Variants in MCTP1 observed in about 807,000 individuals in gnomAD.
MCTP1 encodes multiple C2 and transmembrane domain containing 1, also known as multiple C2 and transmembrane domain-containing protein 1.
MCTP1 carries 69 observed loss-of-function variants against 120.6 expected under a neutral mutation model. That is an observed-to-expected ratio of 0.57 (90% CI 0.47 to 0.70). MCTP1 has a LOEUF of 0.70. Among genes scored for constraint, MCTP1 ranks in the 30% least tolerant of loss-of-function variants. MCTP1 has a pLI of 0.00. For missense variants in MCTP1, 1,203 were observed against 1,248.8 expected (o/e 0.96, Z 0.55); for synonymous variants, 529 against 493.1 (o/e 1.07, Z -0.96).
rs1267040559 is a variant in MCTP1, at chr5:94,707,378, A to G, written c.*118T>C. 6.5e-5 allele frequency: 48 copies of G among 734,120 alleles called. No individual in the cohort carries two copies. The highest frequency in any genetic ancestry group is 4.6e-6 in the Non-Finnish European group (2 of 432,620). The allele number at this position is 734,120 out of a possible 1,614,324, so 45.5% of individuals were successfully genotyped here. A position where few individuals can be genotyped will look rare whatever the true frequency, so the allele number is the denominator to read the frequency against. ...TGTACACTATTTACAGATTCTCTCG[A>G]TCATGATAAAAAGGCAAAATAAATA... On this transcript the variant is annotated 3_prime_UTR_variant, in exon 23 of 23. Coordinates refer to ENST00000515393, the MANE Select transcript of MCTP1 (RefSeq NM_024717.7).
intron 1 of MCTP1, among the ~76,000 whole-genome samples, chr5:95,164,828 C>T (rs532668499): frequency 2.6e-5 from 4 of 152,008 alleles, no homozygotes; most frequent in Non-Finnish European, 5.9e-5. Flanking sequence ...TGGCCTAATA[C>T]AAGAAATCTG....
chr5:95,096,584 T>C (rs1001468268), intron 1 of MCTP1, among the ~76,000 whole-genome samples: 7 of 152,114 alleles, frequency 4.6e-5, no homozygotes, highest in Non-Finnish European at 1.0e-4. Flanking sequence ...GCTTCAAAAT[T>C]TGCTTGAGAA....
rs1336428498 is a variant in MCTP1, at chr5:94,894,727, T to C, written c.1761A>G (p.Ser587=). 4 of 1,613,940 alleles carry C rather than the reference T, an allele frequency of 2.5e-6. No homozygotes were observed. The South Asian group carries it at 4.4e-5, about 18-fold the overall frequency. The change falls in exon 11 of 23, where the codon TCA becomes TCG. Residue 587 remains serine (S), a synonymous_variant. Transcript: ENST00000515393. ...ACAGGTCAGAGATGCTGACTGTGGC[T>C]GATGCTGTCAGAGTGACCAGCAGCA... is the stretch of plus-strand genomic sequence containing the variant. The part of the protein sequence containing the change: ...HLVLLVTLTA[S]ATVSISDLSV...
At chr5:94,824,118 G>T (rs1157956586) in intron 17 of MCTP1, among the ~76,000 whole-genome samples, 1 of 152,176 alleles carries the variant, frequency 6.6e-6, no homozygotes, top group South Asian at 2.1e-4. Context: ...TCCTTGTCTT[G>T]TGCCGGTTTT....
At chr5:95,096,993 T>C (rs1421671349) in intron 1 of MCTP1, among the ~76,000 whole-genome samples, 1 of 152,224 alleles carries the variant, frequency 6.6e-6, no homozygotes, top group Non-Finnish European at 1.5e-5. Flanking sequence ...AATACATTAC[T>C]CACTGTAGTT....
chr5:95,017,482 T>A lies in MCTP1; in HGVS notation c.723A>T (p.Lys241Asn), dbSNP rs752124916. Residue 241 changes from lysine to asparagine, a missense_variant and splice_region_variant, in exon 2 of 23, where the codon AAA becomes AAT. Lys to Asn is a moderately conservative substitution (Grantham distance 94). This residue lies in a region of MCTP1 where 463 missense variants were observed against 377.8 expected (regional missense o/e 1.23). Transcript: ENST00000515393. ...TACTGGTTCCAGCAGTGTTTATTAT[T>A]TTCTGGAAAACACGAAATATAAAAA... ...ETGEEHGSSQ[K>N]IINTAGTSNA... 1 of 1,578,510 alleles carries A rather than the reference T, an allele frequency of 6.3e-7. No homozygotes were observed. The highest frequency in any genetic ancestry group is 1.8e-5 in the Admixed American group (1 of 56,662).
At chr5:95,105,289 A>G (rs1272782206) in intron 1 of MCTP1, among the ~76,000 whole-genome samples, 1 of 152,178 alleles carries the variant, frequency 6.6e-6, no homozygotes, top group African/African-American at 2.4e-5. Context: ...GGTGTTTGAC[A>G]TGACTCTAGA....
intron 1 of MCTP1, chr5:95,081,939 G>T: frequency 1.7e-6 from 1 of 575,410 alleles, no homozygotes; most frequent in Non-Finnish European, 2.2e-6. Flanking sequence ...TCTCTGCAGT[G>T]AATTAATTTA....
At chr5:94,856,085 C>T (rs1004460988) in intron 17 of MCTP1, among the ~76,000 whole-genome samples, 6 of 151,744 alleles carry the variant, frequency 4.0e-5, no homozygotes, top group Admixed American at 3.9e-4. Context: ...TGCTGTTAAT[C>T]GTTACCTGGG....
At chr5:94,852,786 A>G (rs1386594740) in intron 17 of MCTP1, among the ~76,000 whole-genome samples, 1 of 151,966 alleles carries the variant, frequency 6.6e-6, no homozygotes, top group African/African-American at 2.4e-5. Context: ...TGAATTCTAG[A>G]CCTATCAGGT....
At chr5:94,764,191 A>C (rs990465407) in intron 19 of MCTP1, among the ~76,000 whole-genome samples, 5 of 152,168 alleles carry the variant, frequency 3.3e-5, no homozygotes, top group Non-Finnish European at 7.4e-5. Flanking sequence ...CACCCAAAGA[A>C]AGTCACATGG....
intron 2 of MCTP1, among the ~76,000 whole-genome samples, chr5:94,997,895 A>G (rs186938548): frequency 6.6e-6 from 1 of 152,162 alleles, no homozygotes; most frequent in Non-Finnish European, 1.5e-5. Flanking sequence ...ATCATTTATC[A>G]TTATTTCATA....
At chr5:95,113,299 C>T (rs1381261617) in intron 1 of MCTP1, among the ~76,000 whole-genome samples, 1 of 152,048 alleles carries the variant, frequency 6.6e-6, no homozygotes, top group Non-Finnish European at 1.5e-5. Context: ...AAACAAAAAC[C>T]ACCATCATAA....
intron 1 of MCTP1, among the ~76,000 whole-genome samples, chr5:95,278,222 A>G (rs1304924030): frequency 6.6e-6 from 1 of 152,202 alleles, no homozygotes; most frequent in East Asian, 1.9e-4. Flanking sequence ...GTTAGAAGAA[A>G]AGGTTGATGG....
intron 2 of MCTP1, among the ~76,000 whole-genome samples, chr5:95,009,403 T>A (rs181124106): frequency 1.6e-3 from 251 of 152,184 alleles, no homozygotes; most frequent in African/African-American, 5.6e-3. Flanking sequence ...TGCCAAAAGG[T>A]ATAGTTCCTA....
intron 17 of MCTP1, among the ~76,000 whole-genome samples, chr5:94,827,619 G>C (rs367601811): frequency 1.6e-4 from 25 of 152,004 alleles, no homozygotes; most frequent in Middle Eastern, 3.4e-3. Flanking sequence ...ATGTAGGTTT[G>C]GTCTTTTCAC....
At chr5:94,909,688 C>A (rs927239087) in intron 9 of MCTP1, among the ~76,000 whole-genome samples, 12 of 151,974 alleles carry the variant, frequency 7.9e-5, no homozygotes, top group African/African-American at 2.9e-4. Flanking sequence ...AAATAGCTCA[C>A]TCGGATACTA....
At chr5:94,776,592 T>C (rs1775382072) in intron 19 of MCTP1, among the ~76,000 whole-genome samples, 1 of 152,148 alleles carries the variant, frequency 6.6e-6, no homozygotes, top group Admixed American at 6.6e-5. Flanking sequence ...CTTTGGCACA[T>C]TTATTAATCT....
chr5:94,705,484 T>C lies in MCTP1; in HGVS notation c.*2012A>G, dbSNP rs546325338. On this transcript the variant is annotated 3_prime_UTR_variant, in exon 23 of 23. Coordinates refer to ENST00000515393, the MANE Select transcript of MCTP1 (RefSeq NM_024717.7). Reference sequence around the variant, plus strand: ...ATAGTTTTTAAGAATATGCACACAATCCCTCATCAATCTCTGAACCACCAA... The same window carrying C: ...ATAGTTTTTAAGAATATGCACACAACCCCTCATCAATCTCTGAACCACCAA... 36 of 136,234 alleles carry C rather than the reference T, an allele frequency of 2.6e-4. No homozygotes were observed. The highest frequency in any genetic ancestry group is 8.6e-4 in the African/African-American group (31 of 36,126). The allele number at this position is 136,234 out of a possible 1,614,324, so 8.4% of individuals were successfully genotyped here.
Sources: gnomAD v4.1 joint callset for allele counts (sites outside exome capture counted in the v4.1 genomes callset) on GRCh38, gnomAD v4.1.1 for gene constraint, gnomAD v4.1.1 regional missense constraint, MANE v1.5 for transcripts, NCBI Gene and HGNC (gene_info 2026-07-23, HGNC 2026-07-21) for gene names.